CYP3A43: variants seen among roughly 807,000 people sequenced by gnomAD.
CYP3A43 encodes the protein cytochrome P450 3A43.
Under a neutral mutation model 58.0 loss-of-function variants are expected in CYP3A43, and 45 were observed. That is an observed-to-expected ratio of 0.78 (90% CI 0.61 to 0.99). The LOEUF (loss-of-function observed/expected upper bound fraction) is 0.99. Ranked by LOEUF, CYP3A43 falls within the 50% of genes least tolerant of loss-of-function variation. The pLI is 0.00. For synonymous variants in CYP3A43, 191 were observed against 201.4 expected (o/e 0.95, Z 0.44); for missense variants, 593 against 591.9 (o/e 1.00, Z -0.02).
intron 1 of CYP3A43, among the ~76,000 whole-genome samples, chr7:99,835,121 G>A (rs1049935149): frequency 2.6e-5 from 4 of 152,156 alleles, no homozygotes; most frequent in African/African-American, 9.7e-5. Flanking sequence ...GGAATTCTAA[G>A]GCCTGCTCCT....
At chr7:99,848,751 C>A (rs1817633560) in intron 6 of CYP3A43, among the ~76,000 whole-genome samples, 3 of 152,128 alleles carry the variant, frequency 2.0e-5, no homozygotes, top group Admixed American at 2.0e-4. Context: ...TTTCTCCAAT[C>A]TTAAATTTTA....
intron 10 of CYP3A43, 25 bp from the exon 11 acceptor site, chr7:99,861,588 T>C: frequency 6.2e-7 from 1 of 1,603,456 alleles, no homozygotes. Context: ...TCTCAATTTA[T>C]CCAAATCTGT....
chr7:99,832,048 C>G (rs956705045), intron 1 of CYP3A43, among the ~76,000 whole-genome samples: 2 of 152,036 alleles, frequency 1.3e-5, no homozygotes, highest in African/African-American at 4.8e-5. Context: ...GAAATAAGAA[C>G]ACTATGATTC....
chr7:99,849,999 CT>C lies in CYP3A43; in HGVS notation c.670+306del, dbSNP rs1243400279. 4.3e-5 allele frequency: 19 copies of C among 440,040 alleles called. No individual in the cohort carries two copies. In the African/African-American group the frequency reaches 4.4e-4, roughly 10 times the overall value. 27.3% of individuals were successfully genotyped at this position (440,040 alleles called of 1,614,324 possible). A position where few individuals can be genotyped will look rare whatever the true frequency, so the allele number is the denominator to read the frequency against. On this transcript the variant is annotated intron_variant, in intron 7 of 12. Coordinates refer to ENST00000354829, the MANE Select transcript of CYP3A43 (RefSeq NM_057095.3). Reference sequence around the variant, plus strand: ...TTTAGACAGAGTCTCGCTGTGTTGCCTAGGCCGGAGTGCATGGTGCGATCTG... The same window carrying C: ...TTTAGACAGAGTCTCGCTGTGTTGCCAGGCCGGAGTGCATGGTGCGATCTG...
intron 12 of CYP3A43, among the ~76,000 whole-genome samples, chr7:99,865,457 T>G (rs1818407220): frequency 1.3e-5 from 2 of 148,770 alleles, no homozygotes; most frequent in African/African-American, 5.2e-5. Flanking sequence ...AGTGAATGCT[T>G]AATAAGTTGA....
At position 99,849,858 on chromosome 7, in the gene CYP3A43, G is replaced by C. The variant is rs1584223313; in HGVS notation, c.670+164G>C. ...AAAGATATGCACAACCAACATCATT[G>C]TTAACTTCTGGACATTTTTGTAAAC... On this transcript the variant is annotated intron_variant, in intron 7 of 12. Coordinates refer to ENST00000354829, the MANE Select transcript of CYP3A43 (RefSeq NM_057095.3). 3.6e-5 allele frequency: 27 copies of C among 743,088 alleles called. No homozygotes were observed. The East Asian group carries it at 7.7e-4, about 21-fold the overall frequency. 46.0% of individuals were successfully genotyped at this position (743,088 alleles called of 1,614,324 possible).
intron 4 of CYP3A43, among the ~76,000 whole-genome samples, chr7:99,845,379 G>A (rs553865207): frequency 6.6e-6 from 1 of 151,904 alleles, no homozygotes; most frequent in Admixed American, 6.6e-5. Flanking sequence ...CTGAAGTGCA[G>A]TGGCGCGATC....
intron 3 of CYP3A43, among the ~76,000 whole-genome samples, chr7:99,841,131 C>T (rs528392438): frequency 6.6e-6 from 1 of 152,158 alleles, no homozygotes; most frequent in Non-Finnish European, 1.5e-5. Flanking sequence ...GCCGATGTGG[C>T]TTTTCATTTT....
intron 4 of CYP3A43, among the ~76,000 whole-genome samples, chr7:99,845,154 T>G (rs944404333): frequency 5.9e-5 from 9 of 152,192 alleles, no homozygotes; most frequent in East Asian, 1.9e-4. Flanking sequence ...CTTAATTTTT[T>G]GCATAAGATG....
At chr7:99,839,637 G>A (rs1036116714) in intron 3 of CYP3A43, among the ~76,000 whole-genome samples, 17 of 152,118 alleles carry the variant, frequency 1.1e-4, no homozygotes, top group East Asian at 1.9e-4. Context: ...TATAGTGGAC[G>A]CACAAAGAAT....
At chr7:99,861,251 G>T (rs945378777) in intron 10 of CYP3A43, among the ~76,000 whole-genome samples, 1 of 152,162 alleles carries the variant, frequency 6.6e-6, no homozygotes, top group South Asian at 2.1e-4. Flanking sequence ...CCTTGGTACA[G>T]ATGCATAGCC....
chr7:99,848,329 C>T, intron 6 of CYP3A43, 75 bp downstream of exon 6: 1 of 1,474,304 alleles, frequency 6.8e-7, no homozygotes, highest in Non-Finnish European at 9.4e-7. Flanking sequence ...GATATTCCCA[C>T]TGTTGGGTTA....
intron 7 of CYP3A43, among the ~76,000 whole-genome samples, chr7:99,852,649 T>G (rs1324202778): frequency 6.6e-6 from 1 of 152,220 alleles, no homozygotes; most frequent in Non-Finnish European, 1.5e-5. Context: ...CCTTCTATCT[T>G]CAAATATTTC....
intron 3 of CYP3A43, among the ~76,000 whole-genome samples, chr7:99,842,896 C>A (rs1196412568): frequency 1.3e-5 from 2 of 152,192 alleles, no homozygotes; most frequent in Non-Finnish European, 2.9e-5. Context: ...CCCCCATGAA[C>A]CAGCCCTTAA....
chr7:99,861,810 G>T lies in CYP3A43; in HGVS notation c.1224G>T (p.Trp408Cys), dbSNP rs747638726. 5 of 1,614,058 alleles carry T rather than the reference G, an allele frequency of 3.1e-6. No individual in the cohort carries two copies. The highest frequency in any genetic ancestry group is 4.2e-6 in the Non-Finnish European group (5 of 1,179,916). The change falls in exon 11 of 13, where the codon TGG becomes TGT. Residue 408 changes from tryptophan to cysteine, a missense_variant. Physicochemically the swap from Trp to Cys is radical, Grantham distance 215. Coordinates refer to ENST00000354829, the MANE Select transcript of CYP3A43 (RefSeq NM_057095.3). ...CTCTTCACCATGACCCAAAGTACTG[G>T]ACAGAGCCTGAGAAGTTCTGCCCTG... ...IYALHHDPKY[W>C]TEPEKFCPER...
intron 1 of CYP3A43, among the ~76,000 whole-genome samples, chr7:99,836,152 G>A (rs1300258237): frequency 6.6e-6 from 1 of 152,164 alleles, no homozygotes. Context: ...AGGAAGCAGA[G>A]TCAGGAGCAC....
chr7:99,855,887 G>C (rs1817958193), intron 8 of CYP3A43, among the ~76,000 whole-genome samples, 169 bp downstream of exon 8: 1 of 152,184 alleles, frequency 6.6e-6, no homozygotes, highest in South Asian at 2.1e-4. Flanking sequence ...GCTTGGGGAA[G>C]AAAGAGAATG....
intron 11 of CYP3A43, 66 bp from the exon 12 acceptor site, chr7:99,863,471 A>C (rs940266288): frequency 7.1e-7 from 1 of 1,408,042 alleles, no homozygotes; most frequent in South Asian, 1.6e-5. Context: ...CACACCCTGC[A>C]TAACGTGTAG....
intron 7 of CYP3A43, among the ~76,000 whole-genome samples, chr7:99,855,294 A>G (rs1225738406): frequency 2.0e-5 from 3 of 152,224 alleles, no homozygotes. Context: ...TCCAGTAGAT[A>G]AAGGCTAAGA....
Sources: allele counts gnomAD v4.1 joint callset (sites outside exome capture counted in the v4.1 genomes callset), GRCh38; gene constraint gnomAD v4.1.1; transcripts MANE v1.5; gene names NCBI Gene and HGNC (gene_info 2026-07-23, HGNC 2026-07-21).